SLC24A3: variants seen among roughly 807,000 people sequenced by gnomAD.
SLC24A3 encodes the protein sodium/potassium/calcium exchanger 3.
Under a neutral mutation model 75.8 loss-of-function variants are expected in SLC24A3, and 28 were observed. That is an observed-to-expected ratio of 0.37 (90% CI 0.27 to 0.51). The LOEUF (loss-of-function observed/expected upper bound fraction) is 0.51, where lower values mean the gene tolerates loss of function less well. Among genes scored for constraint, SLC24A3 ranks in the 20% least tolerant of loss-of-function variants. The pLI is 0.94. For missense variants in SLC24A3, 663 were observed against 847.8 expected, an observed-to-expected ratio of 0.78 and a Z score of 2.71; for synonymous variants, 372 against 334.1, an observed-to-expected ratio of 1.11 and a Z score of -1.24.
chr20:19,314,200 T>A (rs1455583073), intron 2 of SLC24A3, among the ~76,000 whole-genome samples: 2 of 152,188 alleles, frequency 1.3e-5, no homozygotes, highest in Non-Finnish European at 2.9e-5. Flanking sequence ...CAAGGGCCAA[T>A]ATTTTTTTAG....
At chr20:19,595,722 G>GA (rs2031443666) in intron 6 of SLC24A3, among the ~76,000 whole-genome samples, 2 of 152,210 alleles carry the variant, frequency 1.3e-5, no homozygotes, top group Admixed American at 6.5e-5. Context: ...ACACAGGCAA[G>GA]GAGCATCTGA....
intron 1 of SLC24A3, among the ~76,000 whole-genome samples, chr20:19,215,015 G>A (rs1355869851): frequency 1.3e-5 from 2 of 152,166 alleles, no homozygotes; most frequent in Non-Finnish European, 2.9e-5. Flanking sequence ...GAGTTGAAAT[G>A]GTCTCCAATC....
intron 1 of SLC24A3, among the ~76,000 whole-genome samples, chr20:19,227,652 T>C (rs181035258): frequency 2.4e-3 from 360 of 152,352 alleles, no homozygotes; most frequent in African/African-American, 8.4e-3. Context: ...TACTGTTTCC[T>C]CTACCTCCAC....
At chr20:19,394,201 T>C (rs1253233173) in intron 2 of SLC24A3, among the ~76,000 whole-genome samples, 1 of 152,090 alleles carries the variant, frequency 6.6e-6, no homozygotes, top group Non-Finnish European at 1.5e-5. Context: ...TAGACAAAAA[T>C]TAAGTCAAAA....
At chr20:19,646,838 A>G (rs2032143327) in intron 6 of SLC24A3, among the ~76,000 whole-genome samples, 1 of 97,052 alleles carries the variant, frequency 1.0e-5, no homozygotes, top group Admixed American at 9.4e-5. Flanking sequence ...AAATTACAAA[A>G]CTCTGTGTGT....
intron 2 of SLC24A3, among the ~76,000 whole-genome samples, chr20:19,426,165 C>T (rs537224793): frequency 1.3e-5 from 2 of 152,214 alleles, no homozygotes; most frequent in African/African-American, 4.8e-5. Context: ...GATTCTTCCT[C>T]ACTTCCTCCC....
intron 2 of SLC24A3, among the ~76,000 whole-genome samples, chr20:19,440,250 G>C (rs775928257): frequency 6.6e-6 from 1 of 152,170 alleles, no homozygotes; most frequent in Non-Finnish European, 1.5e-5. Context: ...CTATCTGACC[G>C]TGCATCCACT....
intron 3 of SLC24A3, among the ~76,000 whole-genome samples, chr20:19,539,429 T>C (rs2030457900): frequency 6.6e-6 from 1 of 152,178 alleles, no homozygotes; most frequent in Non-Finnish European, 1.5e-5. Context: ...CGTGGCCTTG[T>C]GTGGGGTCGT....
intron 1 of SLC24A3, among the ~76,000 whole-genome samples, chr20:19,237,598 G>C (rs966327467): frequency 6.6e-6 from 1 of 152,136 alleles, no homozygotes. Context: ...TGGAATCTGG[G>C]CTCTGAGCTG....
chr20:19,371,729 T>A (rs1285724825), intron 2 of SLC24A3, among the ~76,000 whole-genome samples: 1 of 152,166 alleles, frequency 6.6e-6, no homozygotes, highest in Non-Finnish European at 1.5e-5. Context: ...TAATCTCATA[T>A]CTGGACCACC....
chr20:19,295,871 T>C (rs1217735128), intron 2 of SLC24A3, among the ~76,000 whole-genome samples: 1 of 152,198 alleles, frequency 6.6e-6, no homozygotes, highest in East Asian at 1.9e-4. Context: ...GCTGGCCTCA[T>C]AGAATGAGTT....
chr20:19,548,568 C>T (rs1482619393), intron 3 of SLC24A3, among the ~76,000 whole-genome samples: 1 of 152,196 alleles, frequency 6.6e-6, no homozygotes, highest in Non-Finnish European at 1.5e-5. Flanking sequence ...TGATTGGGTT[C>T]TCTGCTCAGG....
At chr20:19,395,368 T>C (rs1986436102) in intron 2 of SLC24A3, among the ~76,000 whole-genome samples, 2 of 152,250 alleles carry the variant, frequency 1.3e-5, no homozygotes, top group Admixed American at 1.3e-4. Flanking sequence ...AAAAAGTCAC[T>C]TATGATCCAC....
At chr20:19,411,438 A>C (rs1986742460) in intron 2 of SLC24A3, among the ~76,000 whole-genome samples, 3 of 152,222 alleles carry the variant, frequency 2.0e-5, no homozygotes, top group Non-Finnish European at 4.4e-5. Flanking sequence ...ATGTCAAGAT[A>C]TGTTTGGACT....
rs540962168 is a variant in SLC24A3, at chr20:19,541,675, A to G, written c.348+26111A>G. ...AGAGAACTTAGTTGCCATTTCCGGA[A>G]TGCTCCTATTAAACTATAAAAATCC... On this transcript the variant is annotated intron_variant, in intron 3 of 16. Coordinates refer to ENST00000328041, the MANE Select transcript of SLC24A3 (RefSeq NM_020689.4). Among the ~76,000 whole-genome samples the G allele has an allele frequency of 2.0e-5, 3 of 152,336 alleles. No homozygotes were observed. The South Asian group carries it at 6.2e-4, about 32-fold the overall frequency.
intron 2 of SLC24A3, among the ~76,000 whole-genome samples, chr20:19,489,336 A>C (rs1448911109): frequency 6.6e-6 from 1 of 152,198 alleles, no homozygotes; most frequent in East Asian, 1.9e-4. Flanking sequence ...TTAAGATCAC[A>C]GGTTTTAATG....
At position 19,212,875 on chromosome 20, in the gene SLC24A3, TCGCCGCCGCCGC is replaced by T; in HGVS notation, c.45_56del (p.Arg17_Arg20del). 15 of 1,254,540 alleles carry T rather than the reference TCGCCGCCGCCGC, an allele frequency of 1.2e-5. No individual in the cohort carries two copies. Among genetic ancestry groups the T allele is most frequent in the Admixed American group, 7.0e-5 (2 of 28,438 alleles). The allele number at this position is 1,254,540 out of a possible 1,614,324, so 77.7% of individuals were successfully genotyped here. ...CGTCCGGCGACGAGGACCGCGCGCG[TCGCCGCCGCCGC>T]CGCCGCCGCCGGAGGGACCTTCTGC... On this transcript the variant is annotated inframe_deletion, in exon 1 of 17. Transcript: ENST00000328041.
intron 1 of SLC24A3, among the ~76,000 whole-genome samples, chr20:19,237,350 C>A (rs892201746): frequency 6.6e-6 from 1 of 152,128 alleles, no homozygotes; most frequent in African/African-American, 2.4e-5. Context: ...TCCCCTGCCT[C>A]AGCTGCCCAT....
At chr20:19,555,722 C>T (rs529022003) in intron 3 of SLC24A3, among the ~76,000 whole-genome samples, 60 of 152,226 alleles carry the variant, frequency 3.9e-4, no homozygotes, top group African/African-American at 1.4e-3. Context: ...AAAGAAACCC[C>T]ATCTTTGTAC....
Sources: gnomAD v4.1 joint callset for allele counts (sites outside exome capture counted in the v4.1 genomes callset) on GRCh38, gnomAD v4.1.1 for gene constraint, MANE v1.5 for transcripts, NCBI Gene and HGNC (gene_info 2026-07-23, HGNC 2026-07-21) for gene names.